The following PLEKHG4B variants were observed in gnomAD, a reference collection of about 807,000 sequenced individuals.
PLEKHG4B encodes pleckstrin homology domain-containing family G member 4B.
PLEKHG4B carries 111 observed loss-of-function variants against 121.3 expected under a neutral mutation model. The ratio of observed to expected loss-of-function variants is 0.92; its 90% CI spans 0.78 to 1.07. The LOEUF is 1.07. Among genes scored for constraint, PLEKHG4B ranks in the 50% least tolerant of loss-of-function variants. PLEKHG4B has a pLI of 0.00. For synonymous variants in PLEKHG4B, 738 were observed against 725.0 expected, an observed-to-expected ratio of 1.02 and a Z score of -0.29; for missense variants, 1,831 against 1,757.8, an observed-to-expected ratio of 1.04 and a Z score of -0.74.
intron 2 of PLEKHG4B, among the ~76,000 whole-genome samples, chr5:127,340 T>TTTATTATTATTA (rs60825083): frequency 0.1 from 13,946 of 135,402 alleles, 889 homozygotes; most frequent in Non-Finnish European, 0.12. Context: ...ATTGTTGGTT[T>TTTATTATTATTA]TTATTATTAT....
At position 140,183 on chromosome 5, in the gene PLEKHG4B, T is replaced by C; in HGVS notation, c.944T>C (p.Met315Thr). The change falls in exon 3 of 20, where the codon ATG (methionine) becomes ACG (threonine). Residue 315 changes from methionine (M) to threonine (T), a missense_variant. Met to Thr is a moderately conservative substitution (Grantham distance 81). Transcript: ENST00000637938. ...GGGTCGGGGGAGAGGCCGGACCCCA[T>C]GGACCAGGAGGACAGACCCAAGGCC... ...CGGSGERPDP[M>T]DQEDRPKALT... 5.8e-6 allele frequency: 6 copies of C among 1,036,254 alleles called. No homozygotes were observed. The South Asian group carries it at 7.0e-5, about 12-fold the overall frequency. 64.2% of individuals were successfully genotyped at this position (1,036,254 alleles called of 1,614,324 possible).
At chr5:118,343 A>G (rs1734364185) in intron 2 of PLEKHG4B, among the ~76,000 whole-genome samples, 1 of 152,226 alleles carries the variant, frequency 6.6e-6, no homozygotes, top group African/African-American at 2.4e-5. Flanking sequence ...CTTGGGATAT[A>G]CATTAAACAC....
chr5:161,642 C>T (rs564275714), intron 11 of PLEKHG4B, 141 bp from the exon 12 acceptor site: 396 of 1,025,750 alleles, frequency 3.9e-4, no homozygotes, highest in Admixed American at 1.3e-3. Flanking sequence ...TGCCTGCTCT[C>T]GAGAATGAGA....
Position 143,392 on chromosome 5 carries a change from G to A in PLEKHG4B, c.1700G>A (p.Arg567His), listed in dbSNP as rs769604175. ...TCTGTCTCCGCAGGGACCCGAGACC[G>A]TCATGGCAGAGCAGTGGTGCAGGTC... ...GVVTLPGTRDRHGRAVVQVRT... is the reference protein window; with the variant it reads ...GVVTLPGTRDHHGRAVVQVRT... Residue 567 changes from arginine (R) to histidine (H), a missense_variant, in exon 5 of 20, where the codon CGT (arginine) becomes CAT (histidine). Arg to His is a conservative substitution (Grantham distance 29, BLOSUM62 0). Coordinates refer to ENST00000637938, the MANE Select transcript of PLEKHG4B (RefSeq NM_052909.5). The A allele has an allele frequency of 1.2e-5, 19 of 1,612,512 alleles. No individual in the cohort carries two copies. The highest frequency in any genetic ancestry group is 5.5e-5 in the South Asian group (5 of 91,088).
rs781756309 is a variant in PLEKHG4B, at chr5:182,343, G to A, written c.*20G>A. The A allele has an allele frequency of 6.4e-7, 1 of 1,569,420 alleles. No homozygotes were observed. The highest frequency in any genetic ancestry group is 1.1e-5 in the South Asian group (1 of 87,116). On this transcript the variant is annotated 3_prime_UTR_variant, in exon 20 of 20. Transcript: ENST00000637938. ...GCCTGATGACTGTCAGGGTGGCAGT[G>A]CCCATCATGTGGCTAGAACAATACA... is the stretch of plus-strand genomic sequence containing the variant.
chr5:132,113 A>T (rs1012775890), intron 2 of PLEKHG4B, among the ~76,000 whole-genome samples: 1 of 152,148 alleles, frequency 6.6e-6, no homozygotes, highest in African/African-American at 2.4e-5. Flanking sequence ...CAAGACAAGG[A>T]TGCGCACTTT....
chr5:162,741 C>T lies in PLEKHG4B; in HGVS notation c.2669C>T (p.Pro890Leu). 6.9e-7 allele frequency: 1 copy of T among 1,458,718 alleles called. No homozygotes were observed. Among genetic ancestry groups the T allele is most frequent in the Non-Finnish European group, 9.1e-7 (1 of 1,104,318 alleles). The allele number at this position is 1,458,718 out of a possible 1,614,324, so 90.4% of individuals were successfully genotyped here. A position where few individuals can be genotyped will look rare whatever the true frequency, so the allele number is the denominator to read the frequency against. Reference sequence around the variant, plus strand: ...CCACAGGTGAGCAGCTGGATGGGGCCCCTGGACCCGGAGGCTTGTCCCTCC... The same window carrying T: ...CCACAGGTGAGCAGCTGGATGGGGCTCCTGGACCCGGAGGCTTGTCCCTCC... ...LCETVSSWMGPLDPEACPSSP... is the reference protein window; with the variant it reads ...LCETVSSWMGLLDPEACPSSP... Residue 890 changes from proline to leucine, a missense_variant, in exon 13 of 20, where the codon CCC becomes CTC. Transcript: ENST00000637938.
rs1282351129 is a variant in PLEKHG4B at position 182,231 on chromosome 5, G to A, written c.4792G>A (p.Asp1598Asn). The A allele has an allele frequency of 6.2e-7, 1 of 1,613,682 alleles. No homozygotes were observed. Among genetic ancestry groups the A allele is most frequent in the African/African-American group, 1.3e-5 (1 of 74,948 alleles). ...SSDIRACVEE[D>N]EPEPELETGT... ...TGATATCAGAGCCTGCGTCGAGGAA[G>A]ATGAGCCAGAGCCAGAACTAGAGAC... The change falls in exon 20 of 20, where the codon GAT becomes AAT. Residue 1598 changes from aspartate to asparagine, a missense_variant. Physicochemically the swap from Asp to Asn is conservative, Grantham distance 23. Coordinates refer to ENST00000637938, the MANE Select transcript of PLEKHG4B (RefSeq NM_052909.5).
rs768803747 is a variant in PLEKHG4B at position 162,795 on chromosome 5, G to A, written c.2723G>A (p.Cys908Tyr). 4 of 1,494,430 alleles carry A rather than the reference G, an allele frequency of 2.7e-6. No individual in the cohort carries two copies. The highest frequency in any genetic ancestry group is 3.6e-6 in the Non-Finnish European group (4 of 1,123,038). 92.6% of individuals were successfully genotyped at this position (1,494,430 alleles called of 1,614,324 possible). Residue 908 changes from cysteine to tyrosine, a missense_variant, in exon 13 of 20, where the codon TGT (cysteine) becomes TAT (tyrosine). Coordinates refer to ENST00000637938, the MANE Select transcript of PLEKHG4B (RefSeq NM_052909.5). ...SSPVAECLRS[C>Y]HQEATSVAAE... ...CCCGTGGCTGAGTGTTTGAGGAGCT[G>A]TCACCAGGAGGCTACCTCGGTGGCT...
intron 6 of PLEKHG4B, 49 bp from the exon 7 acceptor site, chr5:151,464 T>C: frequency 7.6e-7 from 1 of 1,309,102 alleles, no homozygotes. Context: ...ATTAATGAAG[T>C]TAAAAATTAG....
At chr5:127,372 T>TATTATTATTA (rs1734652397) in intron 2 of PLEKHG4B, among the ~76,000 whole-genome samples, 1 of 147,970 alleles carries the variant, frequency 6.8e-6, no homozygotes, top group Non-Finnish European at 1.5e-5. Flanking sequence ...TTATTATTAT[T>TATTATTATTA]ATTATTATAG....
Position 140,520 on chromosome 5 carries a change from A to G in PLEKHG4B, c.1281A>G (p.Gly427=). The change falls in exon 3 of 20, where the codon GGA becomes GGG. Residue 427 remains glycine (G), a synonymous_variant. Transcript: ENST00000637938. Reference sequence around the variant, plus strand: ...ACACACCCAGCCGGACAGGTCCAGGAGCTGCAGGGCGGACTCTTCCCAGGA... The same window carrying G: ...ACACACCCAGCCGGACAGGTCCAGGGGCTGCAGGGCGGACTCTTCCCAGGA... ...ERHTPSRTGP[G]AAGRTLPRRS... is the part of the protein sequence containing the mutation. 1.3e-6 allele frequency: 2 copies of G among 1,598,080 alleles called. No individual in the cohort carries two copies. Among genetic ancestry groups the G allele is most frequent in the East Asian group, 4.5e-5 (2 of 44,194 alleles).
chr5:176,574 G>T (rs1736768117), intron 18 of PLEKHG4B, among the ~76,000 whole-genome samples: 1 of 152,216 alleles, frequency 6.6e-6, no homozygotes, highest in African/African-American at 2.4e-5. Flanking sequence ...ACAGCAACTT[G>T]ATTACTACAG....
intron 2 of PLEKHG4B, among the ~76,000 whole-genome samples, chr5:121,200 TCG>T (rs1456532746): frequency 6.6e-6 from 1 of 150,918 alleles, no homozygotes; most frequent in East Asian, 1.9e-4. Context: ...TGAGCCGAGA[TCG>T]TGCCACTGCA....
intron 3 of PLEKHG4B, among the ~76,000 whole-genome samples, chr5:142,667 C>T (rs1735256302): frequency 6.6e-6 from 1 of 152,126 alleles, no homozygotes; most frequent in South Asian, 2.1e-4. Context: ...TCACATGCCT[C>T]ACACAATCAC....
intron 2 of PLEKHG4B, among the ~76,000 whole-genome samples, chr5:125,815 G>T (rs1044459201): frequency 6.6e-6 from 1 of 152,114 alleles, no homozygotes; most frequent in Non-Finnish European, 1.5e-5. Context: ...CCCAGCTTTT[G>T]TTTATCTGGG....
At chr5:172,143 C>T (rs977388348) in intron 16 of PLEKHG4B, among the ~76,000 whole-genome samples, 2 of 136,662 alleles carry the variant, frequency 1.5e-5, no homozygotes, top group Non-Finnish European at 3.5e-5. Context: ...ATCTCGGGCC[C>T]CCAACACCGA....
At chr5:176,409 A>G (rs1278364615) in intron 18 of PLEKHG4B, among the ~76,000 whole-genome samples, 2 of 152,262 alleles carry the variant, frequency 1.3e-5, no homozygotes, top group Non-Finnish European at 2.9e-5. Flanking sequence ...CCAGCCTTGA[A>G]TAATCAGATT....
At chr5:124,630 T>C (rs1351758437) in intron 2 of PLEKHG4B, among the ~76,000 whole-genome samples, 2 of 152,232 alleles carry the variant, frequency 1.3e-5, no homozygotes, top group Admixed American at 6.5e-5. Flanking sequence ...CTTTTCTTAA[T>C]ATATAAGGTT....
Sources: allele counts gnomAD v4.1 joint callset (sites outside exome capture counted in the v4.1 genomes callset), GRCh38; gene constraint gnomAD v4.1.1; transcripts MANE v1.5; gene names NCBI Gene and HGNC (gene_info 2026-07-23, HGNC 2026-07-21).